The following PTPRD variants were observed in gnomAD, a reference collection of about 807,000 sequenced individuals.
PTPRD encodes protein tyrosine phosphatase receptor type D.
PTPRD carries 34 observed loss-of-function variants against 214.5 expected under a neutral mutation model. The ratio of observed to expected loss-of-function variants is 0.16; its 90% CI spans 0.12 to 0.21. The LOEUF (loss-of-function observed/expected upper bound fraction) is 0.21, where lower values mean the gene tolerates loss of function less well. Among genes scored for constraint, PTPRD ranks in the 10% least tolerant of loss-of-function variants. The pLI, the probability that PTPRD is intolerant of heterozygous loss-of-function variation, is 1.00. For synonymous variants in PTPRD, 1,128 were observed against 845.7 expected, an observed-to-expected ratio of 1.33 and a Z score of -5.79; for missense variants, 2,545 against 2,398.7, an observed-to-expected ratio of 1.06 and a Z score of -1.27.
At chr9:9,938,381 G>A (rs889557827) in intron 5 of PTPRD, 126 bp downstream of exon 5, 2 of 152,206 alleles carry the variant, frequency 1.3e-5, no homozygotes, top group Non-Finnish European at 2.9e-5. Flanking sequence ...AAGAAATGCA[G>A]TGTTTTCGTA....
At chr9:9,927,472 A>T (rs2084752010) in intron 5 of PTPRD, among the ~76,000 whole-genome samples, 1 of 152,152 alleles carries the variant, frequency 6.6e-6, no homozygotes, top group Non-Finnish European at 1.5e-5. Context: ...TTTATATCAA[A>T]TTCAGCTTTC....
chr9:8,571,815 T>C (rs2091230272), intron 14 of PTPRD, among the ~76,000 whole-genome samples: 2 of 152,040 alleles, frequency 1.3e-5, no homozygotes, highest in African/African-American at 4.8e-5. Flanking sequence ...GCTGCGGAAA[T>C]TGCCCATTAT....
chr9:10,258,035 G>T (rs1339527921), intron 3 of PTPRD, among the ~76,000 whole-genome samples: 4 of 152,166 alleles, frequency 2.6e-5, no homozygotes, highest in African/African-American at 4.8e-5. Flanking sequence ...GGGGCAGGAA[G>T]GTGGTGGAGA....
chr9:9,090,316 C>A (rs2099773758), intron 10 of PTPRD, among the ~76,000 whole-genome samples: 3 of 152,158 alleles, frequency 2.0e-5, no homozygotes, highest in Admixed American at 2.0e-4. Flanking sequence ...CAATATTTGT[C>A]TGTCTATGCC....
chr9:9,046,068 T>G (rs2099671376), intron 10 of PTPRD, among the ~76,000 whole-genome samples: 1 of 152,168 alleles, frequency 6.6e-6, no homozygotes, highest in African/African-American at 2.4e-5. Context: ...TATCTTAACA[T>G]AACACTCATG....
chr9:9,744,248 G>A (rs1288233734), intron 6 of PTPRD, among the ~76,000 whole-genome samples: 3 of 152,010 alleles, frequency 2.0e-5, no homozygotes, highest in Non-Finnish European at 4.4e-5. Context: ...TCTTCTAATT[G>A]GAAATACACA....
intron 14 of PTPRD, among the ~76,000 whole-genome samples, chr9:8,575,219 C>G (rs1255133800): frequency 2.6e-5 from 4 of 152,032 alleles, no homozygotes; most frequent in Non-Finnish European, 5.9e-5. Flanking sequence ...CTGAAATTAA[C>G]TCAAATCACT....
intron 3 of PTPRD, among the ~76,000 whole-genome samples, chr9:10,083,897 C>T (rs1487205219): frequency 6.6e-6 from 1 of 151,918 alleles, no homozygotes; most frequent in African/African-American, 2.4e-5. Flanking sequence ...TGCTATTTGG[C>T]CCAGTTCCTA....
intron 44 of PTPRD, among the ~76,000 whole-genome samples, chr9:8,330,791 C>CTATAGTTTTCTTTG (rs1839695256): frequency 6.6e-6 from 1 of 152,020 alleles, no homozygotes; most frequent in Non-Finnish European, 1.5e-5. Flanking sequence ...TCGTAAAGAA[C>CTATAGTTTTCTTTG]TATAGTTTTC....
At chr9:8,966,566 A>G (rs1444742316) in intron 11 of PTPRD, among the ~76,000 whole-genome samples, 2 of 152,110 alleles carry the variant, frequency 1.3e-5, no homozygotes, top group Non-Finnish European at 2.9e-5. Flanking sequence ...TATCCAGAAG[A>G]ATGAAACTAG....
rs918008449 is a variant in PTPRD at position 8,633,201 on chromosome 9, T to C, written c.352+116A>G. ...AATTAAAGTTCAAGTCTTACAAACA[T>C]TTAACTGAGTTTCCCATTTAAGCAC... On this transcript the variant is annotated intron_variant, in intron 14 of 45. Coordinates refer to ENST00000381196, the MANE Select transcript of PTPRD (RefSeq NM_002839.4). 2.3e-6 allele frequency: 3 copies of C among 1,315,278 alleles called. No individual in the cohort carries two copies. The African/African-American group carries it at 4.5e-5, about 20-fold the overall frequency. The allele number at this position is 1,315,278 out of a possible 1,614,324, so 81.5% of individuals were successfully genotyped here.
intron 10 of PTPRD, among the ~76,000 whole-genome samples, chr9:9,049,093 T>G (rs1178736517): frequency 6.6e-6 from 1 of 152,210 alleles, no homozygotes; most frequent in Non-Finnish European, 1.5e-5. Context: ...AAAGCAACAC[T>G]AGTCATTATC....
rs574354624 is a variant in PTPRD at position 8,318,064 on chromosome 9, C to T, written c.5671-122G>A. The stretch of plus-strand genomic sequence containing the variant: ...TATATAGGGGCAAAATCACTACTTT[C>T]GTCAACTGGTCTAATCCAATGACCA... On this transcript the variant is annotated intron_variant, in intron 45 of 45. Coordinates refer to ENST00000381196, the MANE Select transcript of PTPRD (RefSeq NM_002839.4). 8.7e-5 allele frequency: 73 copies of T among 840,232 alleles called. 1 individual carries two copies. Among genetic ancestry groups the T allele is most frequent in the Middle Eastern group, 3.2e-4 (1 of 3,114 alleles). 52.0% of individuals were successfully genotyped at this position (840,232 alleles called of 1,614,324 possible).
chr9:9,013,025 G>C (rs9785265), intron 11 of PTPRD, among the ~76,000 whole-genome samples: 35,453 of 151,980 alleles, frequency 0.23, 4,332 homozygotes, highest in Middle Eastern at 0.37. Context: ...ACACTAACAG[G>C]GGCAGAAAGA....
intron 7 of PTPRD, among the ~76,000 whole-genome samples, chr9:9,732,677 A>G (rs2098219301): frequency 6.6e-6 from 1 of 152,162 alleles, no homozygotes; most frequent in South Asian, 2.1e-4. Context: ...TTCCTCAAGA[A>G]ATGCTTAAGC....
At chr9:8,675,596 C>T (rs2097393081) in intron 12 of PTPRD, among the ~76,000 whole-genome samples, 2 of 147,034 alleles carry the variant, frequency 1.4e-5, no homozygotes, top group South Asian at 4.4e-4. Context: ...CCCTCCATCA[C>T]ACTCAATACC....
At chr9:8,756,623 T>A (rs1280788849) in intron 11 of PTPRD, among the ~76,000 whole-genome samples, 1 of 152,102 alleles carries the variant, frequency 6.6e-6, no homozygotes, top group Admixed American at 6.6e-5. Flanking sequence ...TGTTAGGGAA[T>A]TAAGGTCCAA....
At chr9:9,703,676 T>C (rs146919891) in intron 7 of PTPRD, among the ~76,000 whole-genome samples, 2,208 of 152,272 alleles carry the variant, frequency 0.015, 19 homozygotes, top group Middle Eastern at 0.02. Context: ...ACAGTTTACC[T>C]CCCTGAGAGA....
intron 2 of PTPRD, among the ~76,000 whole-genome samples, chr9:10,341,505 G>C (rs1348069669): frequency 6.6e-6 from 1 of 151,874 alleles, no homozygotes; most frequent in Non-Finnish European, 1.5e-5. Context: ...AGATAATATT[G>C]GGTGCAAAAT....
Sources: allele counts gnomAD v4.1 joint callset (sites outside exome capture counted in the v4.1 genomes callset), GRCh38; gene constraint gnomAD v4.1.1; transcripts MANE v1.5; gene names NCBI Gene and HGNC (gene_info 2026-07-23, HGNC 2026-07-21).